Variants in CPLX4 observed in about 807,000 individuals in gnomAD.
CPLX4 encodes the protein complexin 4, also known as complexin-4.
In CPLX4, 17 loss-of-function variants were observed where a neutral mutation model predicts 16.1. The observed-to-expected ratio is 1.06, with a 90% CI of 0.72 to 1.59. The LOEUF (loss-of-function observed/expected upper bound fraction) is 1.59, where lower values mean the gene tolerates loss of function less well. CPLX4 is among the 40% of genes most tolerant of loss of function. The pLI is 0.00. For missense variants in CPLX4, 193 were observed against 192.9 expected (o/e 1.00, Z 0.00); for synonymous variants, 55 against 57.8 (o/e 0.95, Z 0.22).
chr18:59,301,825 A>G (rs757637510), intron 2 of CPLX4, among the ~76,000 whole-genome samples: 1 of 152,348 alleles, frequency 6.6e-6, no homozygotes. Context: ...CCAATGCATG[A>G]CCTTGGGCAA....
chr18:59,300,909 C>T (rs2070536283), intron 2 of CPLX4, among the ~76,000 whole-genome samples: 3 of 152,202 alleles, frequency 2.0e-5, no homozygotes, highest in Admixed American at 2.0e-4. Context: ...ACTAGGCTCT[C>T]TATTCTAGGA....
chr18:59,306,331 C>T (rs1047258915), intron 2 of CPLX4, among the ~76,000 whole-genome samples: 2 of 152,078 alleles, frequency 1.3e-5, no homozygotes, highest in Admixed American at 1.3e-4. Context: ...TAGAGGAAAT[C>T]GACATAATCT....
At position 59,296,315 on chromosome 18, in the gene CPLX4, C is replaced by T. The variant is rs542808483; in HGVS notation, c.*383G>A. ...CTCTCCACATTTCTCTCTGAAGGGA[C>T]CTGGTGTCCTGCGAATAGTTGGACA... On this transcript the variant is annotated 3_prime_UTR_variant, in exon 3 of 3. Coordinates refer to ENST00000299721, the MANE Select transcript of CPLX4 (RefSeq NM_181654.4). The T allele has an allele frequency of 7.5e-5, 20 of 268,084 alleles. No homozygotes were observed. The South Asian group carries it at 8.1e-4, about 11-fold the overall frequency. The allele number at this position is 268,084 out of a possible 1,614,324, so 16.6% of individuals were successfully genotyped here. A position where few individuals can be genotyped will look rare whatever the true frequency, so the allele number is the denominator to read the frequency against.
At chr18:59,305,059 A>T (rs1406960990) in intron 2 of CPLX4, among the ~76,000 whole-genome samples, 1 of 152,074 alleles carries the variant, frequency 6.6e-6, no homozygotes, top group East Asian at 1.9e-4. Context: ...GTAGGTGCAG[A>T]TATTTAGGGT....
At position 59,296,847 on chromosome 18, in the gene CPLX4, C is replaced by T. The variant is rs1427072503; in HGVS notation, c.334G>A (p.Glu112Lys). The change falls in exon 3 of 3, where the codon GAA becomes AAA. Residue 112 changes from glutamate (E) to lysine (K), a missense_variant. Coordinates refer to ENST00000299721, the MANE Select transcript of CPLX4 (RefSeq NM_181654.4). ...LPEDLRKMVD[E>K]DQEEEEDKDS... The stretch of plus-strand genomic sequence containing the variant: ...TTATCTTCTTCCTCTTCTTGATCTT[C>T]ATCTACCATTTTCCGGAGATCTTCA... The T allele has an allele frequency of 6.2e-7, 1 of 1,613,718 alleles. No individual in the cohort carries two copies. Among genetic ancestry groups the T allele is most frequent in the Non-Finnish European group, 8.5e-7 (1 of 1,179,984 alleles).
Position 59,318,459 on chromosome 18 carries a change from C to T in CPLX4, c.4G>A (p.Ala2Thr). Residue 2 changes from alanine (A) to threonine (T), a missense_variant, in exon 1 of 3, where the codon GCT becomes ACT. Coordinates refer to ENST00000299721, the MANE Select transcript of CPLX4 (RefSeq NM_181654.4). Reference sequence around the variant, plus strand: ...CTTATCATACTTTTCATAAGGAAAGCCATTTTCTCTGCCCCAGAAAAATAA... The same window carrying T: ...CTTATCATACTTTTCATAAGGAAAGTCATTTTCTCTGCCCCAGAAAAATAA... M[A>T]FLMKSMISNQ... 1 of 1,601,558 alleles carries T rather than the reference C, an allele frequency of 6.2e-7. No homozygotes were observed. The highest frequency in any genetic ancestry group is 8.5e-7 in the Non-Finnish European group (1 of 1,175,500).
intron 2 of CPLX4, among the ~76,000 whole-genome samples, chr18:59,297,867 T>C (rs927137749): frequency 2.0e-5 from 3 of 152,204 alleles, no homozygotes; most frequent in Non-Finnish European, 4.4e-5. Flanking sequence ...CATGGGCTCT[T>C]GTCAGATTCA....
chr18:59,306,562 A>G (rs1299125342), intron 2 of CPLX4, among the ~76,000 whole-genome samples: 1 of 152,236 alleles, frequency 6.6e-6, no homozygotes, highest in Non-Finnish European at 1.5e-5. Flanking sequence ...CTAGAGGGCT[A>G]TGGCTTATGT....
chr18:59,296,779 G>A lies in CPLX4; in HGVS notation c.402C>T (p.Asp134=), dbSNP rs1363164327. ...GGGCTTTTTCTTTTATGGTATCCAA[G>A]TCCATGTTCTGGAGATTCTGTATCT... is the stretch of plus-strand genomic sequence containing the variant. ...LGQIQNLQNM[D]LDTIKEKAQA... The change falls in exon 3 of 3, where the codon GAC becomes GAT. Residue 134 remains aspartate (D), a synonymous_variant. Coordinates refer to ENST00000299721, the MANE Select transcript of CPLX4 (RefSeq NM_181654.4). 6.2e-7 allele frequency: 1 copy of A among 1,613,464 alleles called. No homozygotes were observed. The highest frequency in any genetic ancestry group is 2.2e-5 in the East Asian group (1 of 44,802).
intron 2 of CPLX4, among the ~76,000 whole-genome samples, 172 bp from the exon 3 acceptor site, chr18:59,297,097 G>A (rs2070507101): frequency 6.6e-6 from 1 of 152,030 alleles, no homozygotes; most frequent in South Asian, 2.1e-4. Context: ...CTTCTGTAGG[G>A]GGGTCCTTTC....
At chr18:59,302,441 C>A (rs2070548279) in intron 2 of CPLX4, among the ~76,000 whole-genome samples, 1 of 152,116 alleles carries the variant, frequency 6.6e-6, no homozygotes, top group South Asian at 2.1e-4. Context: ...AATGAGTGAG[C>A]CAGCACATAA....
intron 2 of CPLX4, among the ~76,000 whole-genome samples, chr18:59,303,837 A>G (rs776563230): frequency 1.1e-4 from 16 of 152,150 alleles, no homozygotes; most frequent in Non-Finnish European, 1.9e-4. Context: ...GAGTAGGAGG[A>G]GCAAACCGAA....
At position 59,295,567 on chromosome 18, in the gene CPLX4, C is replaced by CAAAAAAAA. The variant is rs5825327; in HGVS notation, c.*1123_*1130dup. 2 of 140,380 alleles carry CAAAAAAAA rather than the reference C, an allele frequency of 1.4e-5. No homozygotes were observed. Among genetic ancestry groups the CAAAAAAAA allele is most frequent in the Non-Finnish European group, 3.1e-5 (2 of 63,976 alleles). The allele number at this position is 140,380 out of a possible 1,614,324, so 8.7% of individuals were successfully genotyped here. ...TTATTCACTGTATGAACAGAGTCAC[C>CAAAAAAAA]AAAAAAAAAAAAAAAAATCAGTATT... On this transcript the variant is annotated 3_prime_UTR_variant, in exon 3 of 3. Transcript: ENST00000299721.
intron 2 of CPLX4, among the ~76,000 whole-genome samples, chr18:59,297,570 A>T (rs1293244552): frequency 6.6e-6 from 1 of 151,846 alleles, no homozygotes; most frequent in East Asian, 1.9e-4. Context: ...GTGAGCCACC[A>T]CTCCCAACCC....
At chr18:59,299,060 C>T (rs1231864214) in intron 2 of CPLX4, among the ~76,000 whole-genome samples, 18 of 152,266 alleles carry the variant, frequency 1.2e-4, no homozygotes, top group African/African-American at 4.3e-4. Flanking sequence ...TGCTCTTGGC[C>T]AGGGCCTTGG....
intron 2 of CPLX4, among the ~76,000 whole-genome samples, chr18:59,312,428 A>G (rs1224387689): frequency 7.4e-6 from 1 of 135,450 alleles, no homozygotes; most frequent in Non-Finnish European, 1.6e-5. Context: ...TATCCTGAAT[A>G]TGTGTGTGTG....
At chr18:59,311,960 G>A (rs1327560598) in intron 2 of CPLX4, among the ~76,000 whole-genome samples, 1 of 152,198 alleles carries the variant, frequency 6.6e-6, no homozygotes, top group Non-Finnish European at 1.5e-5. Context: ...CCCCAAACCA[G>A]CAAGCGATGG....
intron 2 of CPLX4, among the ~76,000 whole-genome samples, chr18:59,305,415 T>G (rs923348952): frequency 1.3e-5 from 2 of 152,074 alleles, no homozygotes; most frequent in African/African-American, 4.8e-5. Context: ...AGATTTGCAT[T>G]TTAGAAACCT....
intron 1 of CPLX4, among the ~76,000 whole-genome samples, chr18:59,313,489 A>G (rs2070631776): frequency 6.6e-6 from 1 of 152,200 alleles, no homozygotes; most frequent in Admixed American, 6.5e-5. Context: ...GATGATTCAG[A>G]CAAAAGCAGA....
Sources: gnomAD v4.1 joint callset for allele counts (sites outside exome capture counted in the v4.1 genomes callset) on GRCh38, gnomAD v4.1.1 for gene constraint, MANE v1.5 for transcripts, NCBI Gene and HGNC (gene_info 2026-07-23, HGNC 2026-07-21) for gene names.